OPRM1: variants seen among roughly 807,000 people sequenced by gnomAD.
OPRM1 encodes the protein mu-type opioid receptor.
In OPRM1, 27 loss-of-function variants were observed where a neutral mutation model predicts 31.8. The observed-to-expected ratio is 0.85, with a 90% CI of 0.63 to 1.17. OPRM1 has a LOEUF of 1.17. OPRM1 is among the 50% of genes most tolerant of loss of function. OPRM1 has a pLI of 0.00. For missense variants in OPRM1, 536 were observed against 511.1 expected (o/e 1.05, Z -0.47); for synonymous variants, 196 against 189.9 (o/e 1.03, Z -0.26).
chr6:154,091,031 C>T lies in OPRM1; in HGVS notation c.723C>T (p.Phe241=), dbSNP rs201219824. ...TGCTGAAGATCTGTGTTTTCATCTT[C>T]GCCTTCATTATGCCAGTGCTCATCA... ...ENLLKICVFI[F]AFIMPVLIIT... Residue 241 remains phenylalanine, a synonymous_variant, in exon 3 of 4, where the codon TTC becomes TTT. Transcript: ENST00000330432. 2.4e-5 allele frequency: 39 copies of T among 1,614,034 alleles called. No individual in the cohort carries two copies. Among genetic ancestry groups the T allele is most frequent in the African/African-American group, 4.0e-5 (3 of 74,916 alleles).
At chr6:154,152,327 GA>G (rs1554285056) in intron 3 of OPRM1, among the ~76,000 whole-genome samples, 3 of 28,646 alleles carry the variant, frequency 1.0e-4, no homozygotes, top group African/African-American at 4.1e-4. Flanking sequence ...AAGAAAGAAA[GA>G]AAGAAAGAAA....
Position 154,091,269 on chromosome 6 carries a change from C to T in OPRM1, c.961C>T (p.His321Tyr). 6.2e-7 allele frequency: 1 copy of T among 1,614,178 alleles called. No homozygotes were observed. Among genetic ancestry groups the T allele is most frequent in the Non-Finnish European group, 8.5e-7 (1 of 1,180,008 alleles). Residue 321 changes from histidine to tyrosine, a missense_variant, in exon 3 of 4, where the codon CAC becomes TAC. Coordinates refer to ENST00000330432, the MANE Select transcript of OPRM1 (RefSeq NM_000914.5). ...AACTACGTTCCAGACTGTTTCTTGG[C>T]ACTTCTGCATTGCTCTAGGTTACAC... ...PETTFQTVSW[H>Y]FCIALGYTNS...
intron 3 of OPRM1, among the ~76,000 whole-genome samples, chr6:154,204,687 A>G (rs1480947319): frequency 3.3e-5 from 5 of 152,180 alleles, no homozygotes; most frequent in African/African-American, 1.2e-4. Context: ...ACCTGCAAGT[A>G]CCATTCTAGT....
Position 154,140,336 on chromosome 6 carries a change from T to A in OPRM1, c.1164+48864T>A, listed in dbSNP as rs199948218. 5.5e-3 allele frequency among the ~76,000 whole-genome samples: 802 copies of A among 145,628 alleles called. 2 individuals carry two copies. The highest frequency in any genetic ancestry group is 0.03 in the East Asian group (154 of 5,136). ...TTTAGCCGTTTATGTTATTTTATTT[T>A]TTTTTTTTTTTTGAGAAAGAGTCTC... is the stretch of plus-strand genomic sequence containing the variant. On this transcript the variant is annotated intron_variant, in intron 3 of 3. Transcript: ENST00000337049.
intron 3 of OPRM1, chr6:154,108,145 C>G: frequency 1.8e-6 from 1 of 543,986 alleles, no homozygotes; most frequent in East Asian, 3.0e-5. Flanking sequence ...ACGGGCCAAG[C>G]TGCATCATAA....
intron 3 of OPRM1, among the ~76,000 whole-genome samples, chr6:154,241,701 T>TA (rs1780608273): frequency 6.6e-6 from 1 of 152,192 alleles, no homozygotes; most frequent in Non-Finnish European, 1.5e-5. Context: ...CACCATCTCC[T>TA]AACTGGCCTT....
intron 3 of OPRM1, chr6:154,212,991 G>C: frequency 1.5e-6 from 1 of 663,988 alleles, no homozygotes; most frequent in African/African-American, 1.8e-5. Flanking sequence ...TGAACTACCT[G>C]GTAACTACCT....
chr6:154,041,631 A>AT (rs568209489), intron 1 of OPRM1, among the ~76,000 whole-genome samples: 10,069 of 147,016 alleles, frequency 0.068, 453 homozygotes, highest in Admixed American at 0.17. Context: ...TAGCTAACAT[A>AT]TTTTTTTTTT....
chr6:154,054,322 T>TCGCGCCA lies in OPRM1; in HGVS notation c.290+14490_290+14496dup, dbSNP rs947754873. 9.6e-5 allele frequency among the ~76,000 whole-genome samples: 13 copies of TCGCGCCA among 135,916 alleles called. No homozygotes were observed. In the Admixed American group the frequency reaches 1.1e-3, roughly 12 times the overall value. 89.2% of individuals were successfully genotyped at this position (135,916 alleles called of 152,430 possible). ...AGGCGGAGCTTGTAGTGAGCTGAAATCGCGCCACTGCACTCCAGTCTGGTG... is the reference window on the plus strand; with the variant it reads ...AGGCGGAGCTTGTAGTGAGCTGAAATCGCGCCACGCGCCACTGCACTCCAGTCTGGTG... On this transcript the variant is annotated intron_variant, in intron 1 of 3. Coordinates refer to ENST00000330432, the MANE Select transcript of OPRM1 (RefSeq NM_000914.5).
rs1273976482 is a variant in OPRM1, at chr6:154,039,775, C to T, written c.231C>T (p.Tyr77=). Residue 77 remains tyrosine, a synonymous_variant, in exon 1 of 4, where the codon TAC becomes TAT. Coordinates refer to ENST00000330432, the MANE Select transcript of OPRM1 (RefSeq NM_000914.5). Reference sequence around the variant, plus strand: ...CGGCCATCACGATCATGGCCCTCTACTCCATCGTGTGCGTGGTGGGGCTCT... The same window carrying T: ...CGGCCATCACGATCATGGCCCTCTATTCCATCGTGTGCGTGGTGGGGCTCT... The part of the protein sequence containing the change: ...MITAITIMAL[Y]SIVCVVGLFG... 4 of 1,603,222 alleles carry T rather than the reference C, an allele frequency of 2.5e-6. No individual in the cohort carries two copies. The highest frequency in any genetic ancestry group is 3.3e-5 in the Admixed American group (2 of 59,972).
chr6:154,212,920 C>A, intron 3 of OPRM1: 1 of 1,116,804 alleles, frequency 9.0e-7, no homozygotes, highest in Non-Finnish European at 1.4e-6. Context: ...AATGCATGAG[C>A]AGAGGTTTAT....
At chr6:154,014,281 C>A (rs1562367796) in intron 1 of OPRM1, among the ~76,000 whole-genome samples, 1 of 152,046 alleles carries the variant, frequency 6.6e-6, no homozygotes, top group South Asian at 2.1e-4. Flanking sequence ...TCTTGTAGGG[C>A]CTTGTAGGCC....
chr6:154,026,184 T>G (rs1348878277), intron 1 of OPRM1, among the ~76,000 whole-genome samples: 2 of 152,096 alleles, frequency 1.3e-5, no homozygotes, highest in Admixed American at 1.3e-4. Flanking sequence ...TTCTCCTTCA[T>G]GTTTAAAGTA....
In OPRM1 at chr6:154,121,762, A is replaced by T. The variant is rs1369707679; in HGVS notation, c.*3041A>T. Among the ~76,000 whole-genome samples, 1 of 152,200 alleles carries T rather than the reference A, an allele frequency of 6.6e-6. No homozygotes were observed. The highest frequency in any genetic ancestry group is 1.5e-5 in the Non-Finnish European group (1 of 68,030). On this transcript the variant is annotated 3_prime_UTR_variant, in exon 4 of 4. Coordinates refer to ENST00000330432, the MANE Select transcript of OPRM1 (RefSeq NM_000914.5). ...ATATGAAATGTAAGATACAAAGAAA[A>T]CACCTCTGCAAAGATTCCGACCACA...
chr6:154,131,641 A>G lies in OPRM1; in HGVS notation c.*12920A>G, dbSNP rs1434434101. 6.6e-6 allele frequency among the ~76,000 whole-genome samples: 1 copy of G among 152,256 alleles called. No homozygotes were observed. Among genetic ancestry groups the G allele is most frequent in the Admixed American group, 6.5e-5 (1 of 15,290 alleles). On this transcript the variant is annotated 3_prime_UTR_variant, in exon 4 of 4. Coordinates refer to ENST00000330432, the MANE Select transcript of OPRM1 (RefSeq NM_000914.5). ...TCAACTGGTCATATTAAAATAAAAA[A>G]GTATAGAATAGTTTCTGTTTTACGG...
In OPRM1 at chr6:154,219,985, A is replaced by AGTGTGTGTGTGT. The variant is rs57450665; in HGVS notation, c.1165-26675_1165-26664dup. Among the ~76,000 whole-genome samples, 332 of 140,132 alleles carry AGTGTGTGTGTGT rather than the reference A, an allele frequency of 2.4e-3. 1 individual carries two copies. Among genetic ancestry groups the AGTGTGTGTGTGT allele is most frequent in the African/African-American group, 4.1e-3 (154 of 37,990 alleles). The allele number at this position is 140,132 out of a possible 152,430, so 91.9% of individuals were successfully genotyped here. A position where few individuals can be genotyped will look rare whatever the true frequency, so the allele number is the denominator to read the frequency against. On this transcript the variant is annotated intron_variant, in intron 3 of 3. Transcript: ENST00000337049. The stretch of plus-strand genomic sequence containing the variant: ...CAGAGCTGAGCGGATACCTGTAAGG[A>AGTGTGTGTGTGT]GTGTGTGTGTGTGTGTGTGTGTGTG...
intron 3 of OPRM1, among the ~76,000 whole-genome samples, chr6:154,098,200 T>G (rs1208814192): frequency 6.6e-6 from 1 of 152,254 alleles, no homozygotes; most frequent in African/African-American, 2.4e-5. Context: ...TTTTTCACTC[T>G]TCTCAGCATG....
intron 3 of OPRM1, among the ~76,000 whole-genome samples, chr6:154,112,011 C>T (rs1305182576): frequency 3.3e-5 from 5 of 152,140 alleles, no homozygotes; most frequent in Non-Finnish European, 1.5e-5. Context: ...GTGATCCGCC[C>T]GCCTCGGCCT....
intron 3 of OPRM1, among the ~76,000 whole-genome samples, chr6:154,187,352 T>C (rs1267663515): frequency 6.6e-6 from 1 of 152,192 alleles, no homozygotes; most frequent in Non-Finnish European, 1.5e-5. Context: ...TTCCTACTGT[T>C]TCCCTACCAG....
Sources: allele counts gnomAD v4.1 joint callset (sites outside exome capture counted in the v4.1 genomes callset), GRCh38; gene constraint gnomAD v4.1.1; transcripts MANE v1.5; gene names NCBI Gene and HGNC (gene_info 2026-07-23, HGNC 2026-07-21).